MYO1D: variants seen among roughly 807,000 people sequenced by gnomAD.
MYO1D encodes myosin ID.
MYO1D carries 83 observed loss-of-function variants against 122.0 expected under a neutral mutation model. The ratio of observed to expected loss-of-function variants is 0.68; its 90% CI spans 0.57 to 0.82. MYO1D has a LOEUF of 0.82. Ranked by LOEUF, MYO1D falls within the 40% of genes least tolerant of loss-of-function variation. The pLI, the probability that MYO1D is intolerant of heterozygous loss-of-function variation, is 0.00. For missense variants in MYO1D, 1,157 were observed against 1,269.5 expected, an observed-to-expected ratio of 0.91 and a Z score of 1.35; for synonymous variants, 464 against 446.9, an observed-to-expected ratio of 1.04 and a Z score of -0.48.
chr17:32,715,469 C>T (rs1242108012), intron 15 of MYO1D, among the ~76,000 whole-genome samples: 3 of 151,734 alleles, frequency 2.0e-5, no homozygotes, highest in African/African-American at 7.3e-5. Flanking sequence ...TGACAGCATG[C>T]TCTCCTTCTG....
chr17:32,522,460 G>C (rs1307011397), intron 21 of MYO1D, among the ~76,000 whole-genome samples: 1 of 152,224 alleles, frequency 6.6e-6, no homozygotes, highest in Non-Finnish European at 1.5e-5. Flanking sequence ...CTTACAATGA[G>C]TTAAAGCATT....
At chr17:32,855,527 T>A (rs989367501) in intron 1 of MYO1D, among the ~76,000 whole-genome samples, 3 of 152,226 alleles carry the variant, frequency 2.0e-5, no homozygotes, top group African/African-American at 7.2e-5. Flanking sequence ...TTTGTTGTCA[T>A]CTAGCATTCT....
At chr17:32,580,573 C>A (rs946197515) in intron 21 of MYO1D, among the ~76,000 whole-genome samples, 3 of 151,680 alleles carry the variant, frequency 2.0e-5, no homozygotes, top group Admixed American at 6.6e-5. Flanking sequence ...CCAGGCCCAG[C>A]TAATTTTTTG....
intron 21 of MYO1D, among the ~76,000 whole-genome samples, chr17:32,538,680 A>C (rs1910738443): frequency 6.6e-6 from 1 of 152,134 alleles, no homozygotes; most frequent in Non-Finnish European, 1.5e-5. Flanking sequence ...ACAATAGCAA[A>C]GACATGGAAT....
At chr17:32,798,435 T>C (rs1341770199) in intron 1 of MYO1D, among the ~76,000 whole-genome samples, 1 of 152,200 alleles carries the variant, frequency 6.6e-6, no homozygotes, top group African/African-American at 2.4e-5. Flanking sequence ...AGAATAATCT[T>C]CCTTGTGTCT....
intron 16 of MYO1D, among the ~76,000 whole-genome samples, chr17:32,660,131 A>G (rs2088542330): frequency 6.6e-6 from 1 of 152,082 alleles, no homozygotes; most frequent in Admixed American, 6.5e-5. Context: ...TTCTTCCACA[A>G]TATGGAAGTG....
chr17:32,513,357 G>T (rs979086733), intron 21 of MYO1D, among the ~76,000 whole-genome samples: 8 of 152,180 alleles, frequency 5.3e-5, no homozygotes, highest in Non-Finnish European at 1.0e-4. Flanking sequence ...CGTGGCGACT[G>T]GCTGAATGTG....
chr17:32,867,284 C>T (rs116130918), intron 1 of MYO1D, among the ~76,000 whole-genome samples: 6,926 of 149,918 alleles, frequency 0.046, 509 homozygotes, highest in African/African-American at 0.16. Flanking sequence ...TGAGATCACG[C>T]CACTGCACTT....
chr17:32,564,304 G>T (rs189403847), intron 21 of MYO1D, among the ~76,000 whole-genome samples: 12 of 152,314 alleles, frequency 7.9e-5, no homozygotes, highest in Middle Eastern at 3.4e-3. Flanking sequence ...CCCTCCCTCT[G>T]AAGTTTCTAA....
chr17:32,705,372 G>A (rs531613647), intron 16 of MYO1D, among the ~76,000 whole-genome samples: 3 of 152,194 alleles, frequency 2.0e-5, no homozygotes, highest in African/African-American at 7.2e-5. Flanking sequence ...CCATTCTCCT[G>A]TCTCAGCCTC....
intron 1 of MYO1D, among the ~76,000 whole-genome samples, chr17:32,787,060 C>G (rs2090304218): frequency 6.6e-6 from 1 of 151,090 alleles, no homozygotes; most frequent in African/African-American, 2.4e-5. Context: ...AAGAAGGCAT[C>G]ATTTAAAAGG....
chr17:32,644,888 A>C (rs566803239), intron 19 of MYO1D, among the ~76,000 whole-genome samples: 42 of 152,234 alleles, frequency 2.8e-4, no homozygotes, highest in East Asian at 1.7e-3. Context: ...TGTGTCTTTT[A>C]ATTGGAGCAT....
intron 21 of MYO1D, among the ~76,000 whole-genome samples, chr17:32,568,773 C>G (rs1375666244): frequency 6.6e-6 from 1 of 152,210 alleles, no homozygotes; most frequent in Non-Finnish European, 1.5e-5. Context: ...TGCTTTCTGT[C>G]CCAGACCTCA....
intron 21 of MYO1D, among the ~76,000 whole-genome samples, chr17:32,549,825 A>G (rs2086995484): frequency 6.6e-6 from 1 of 152,228 alleles, no homozygotes; most frequent in African/African-American, 2.4e-5. Flanking sequence ...AGTATTGCGA[A>G]ATAGGAGTAA....
chr17:32,543,800 C>T (rs1910928274), intron 21 of MYO1D, among the ~76,000 whole-genome samples: 3 of 146,810 alleles, frequency 2.0e-5, no homozygotes, highest in South Asian at 2.2e-4. Context: ...TTAAATCTTG[C>T]TTTTTTTTTT....
intron 1 of MYO1D, among the ~76,000 whole-genome samples, chr17:32,825,318 G>A (rs2090711493): frequency 6.6e-6 from 1 of 151,808 alleles, no homozygotes; most frequent in Non-Finnish European, 1.5e-5. Flanking sequence ...TTGACACAGT[G>A]TTTTGCTCCA....
At chr17:32,582,044 G>T (rs1353050476) in intron 21 of MYO1D, among the ~76,000 whole-genome samples, 1 of 151,984 alleles carries the variant, frequency 6.6e-6, no homozygotes, top group African/African-American at 2.4e-5. Context: ...CCAAAGTGCT[G>T]GGATTACAGA....
intron 1 of MYO1D, among the ~76,000 whole-genome samples, chr17:32,864,132 T>C (rs2091104056): frequency 6.7e-6 from 1 of 150,002 alleles, no homozygotes; most frequent in African/African-American, 2.5e-5. Flanking sequence ...TAGCATTTTT[T>C]CCCAAATGAC....
rs187880550 is a variant in MYO1D, at chr17:32,562,214, C to G, written c.2864+42873G>C. 2.6e-5 allele frequency among the ~76,000 whole-genome samples: 4 copies of G among 151,274 alleles called. No individual in the cohort carries two copies. The East Asian group carries it at 5.9e-4, about 22-fold the overall frequency. ...TATTGCCACGTTGCCCAGGCTGATA[C>G]GCTCGTTCTTTCAATGAACATTTTT... On this transcript the variant is annotated intron_variant, in intron 21 of 21. Coordinates refer to ENST00000318217, the MANE Select transcript of MYO1D (RefSeq NM_015194.3).
Sources: allele counts gnomAD v4.1 joint callset (sites outside exome capture counted in the v4.1 genomes callset), GRCh38; gene constraint gnomAD v4.1.1; transcripts MANE v1.5; gene names NCBI Gene and HGNC (gene_info 2026-07-23, HGNC 2026-07-21).